Variants in MAP3K3 observed in about 807,000 individuals in gnomAD.
MAP3K3 encodes mitogen-activated protein kinase kinase kinase 3.
MAP3K3 carries 12 observed loss-of-function variants against 80.9 expected under a neutral mutation model. The observed-to-expected ratio is 0.15, with a 90% CI of 0.10 to 0.24. MAP3K3 has a LOEUF of 0.24. Among genes scored for constraint, MAP3K3 ranks in the 10% least tolerant of loss-of-function variants. MAP3K3 has a pLI of 1.00. For missense variants in MAP3K3, 596 were observed against 834.7 expected, an observed-to-expected ratio of 0.71 and a Z score of 3.52; for synonymous variants, 272 against 307.1, an observed-to-expected ratio of 0.89 and a Z score of 1.19.
At position 63,689,940 on chromosome 17, in the gene MAP3K3, T is replaced by G; in HGVS notation, c.1063+205T>G. 1 of 597,426 alleles carries G rather than the reference T, an allele frequency of 1.7e-6. No individual in the cohort carries two copies. The highest frequency in any genetic ancestry group is 2.2e-5 in the South Asian group (1 of 44,740). The allele number at this position is 597,426 out of a possible 1,614,324, so 37.0% of individuals were successfully genotyped here. On this transcript the variant is annotated intron_variant, in intron 11 of 15. Transcript: ENST00000361733. This position sits in a 1 kb window ranked among gnomAD's most constrained non-coding sequence, Gnocchi z 4.3. ...TCTTCTCCTCTCTGATCTTTAGTTT[T>G]TCCATGTTTAAACTAGGGAAGAGCA...
At chr17:63,656,626 A>G (rs2034775020) in intron 4 of MAP3K3, among the ~76,000 whole-genome samples, 1 of 152,140 alleles carries the variant, frequency 6.6e-6, no homozygotes, top group East Asian at 1.9e-4. Flanking sequence ...AAGAATAAGA[A>G]TAAGATCTGA....
In MAP3K3 at chr17:63,693,875, G is replaced by A. The variant is rs573570273; in HGVS notation, c.*98G>A. On this transcript the variant is annotated 3_prime_UTR_variant, in exon 16 of 16. Transcript: ENST00000361733. This position sits in a 1 kb window ranked among gnomAD's most constrained non-coding sequence, Gnocchi z 4.2. ...TGCTGCTTCTCCCAGGCAAGGCTGTGGACCATGGAGTGGCAGCCCAGCCAG... is the reference window on the plus strand; with the variant it reads ...TGCTGCTTCTCCCAGGCAAGGCTGTAGACCATGGAGTGGCAGCCCAGCCAG... The A allele has an allele frequency of 5.2e-5, 57 of 1,091,606 alleles. No individual in the cohort carries two copies. In the African/African-American group the frequency reaches 7.0e-4, roughly 13 times the overall value. The allele number at this position is 1,091,606 out of a possible 1,614,324, so 67.6% of individuals were successfully genotyped here.
At chr17:63,663,841 A>G (rs1010833472) in intron 5 of MAP3K3, among the ~76,000 whole-genome samples, 6 of 152,058 alleles carry the variant, frequency 3.9e-5, no homozygotes, top group Non-Finnish European at 7.4e-5. Context: ...GCGATGAGCT[A>G]TGATTGCACC....
intron 2 of MAP3K3, among the ~76,000 whole-genome samples, chr17:63,642,529 A>G (rs554457415): frequency 6.6e-5 from 10 of 152,076 alleles, no homozygotes; most frequent in African/African-American, 2.2e-4. Flanking sequence ...ATGGTGGTGC[A>G]TGCCTGTAAT....
At chr17:63,652,456 C>G in intron 3 of MAP3K3, 101 bp from the exon 4 acceptor site, 1 of 766,508 alleles carries the variant, frequency 1.3e-6, no homozygotes, top group Non-Finnish European at 2.2e-6. Context: ...AAAACAGAAT[C>G]CTATGTTGAG....
rs1488575287 is a variant in MAP3K3, at chr17:63,691,079, G to A, written c.1213-23G>A. The A allele has an allele frequency of 6.2e-7, 1 of 1,613,390 alleles. No homozygotes were observed. The highest frequency in any genetic ancestry group is 8.5e-7 in the Non-Finnish European group (1 of 1,179,848). On this transcript the variant is annotated intron_variant, in intron 12 of 15. Coordinates refer to ENST00000361733, the MANE Select transcript of MAP3K3 (RefSeq NM_002401.5). The surrounding 1 kb of genome is among the most constrained non-coding windows in gnomAD (Gnocchi z 4.8). Reference sequence around the variant, plus strand: ...CAGAACTAGGGCCCTGAGAGCTGAGGCGACCACTGACCCCTCCCCTAGGAG... The same window carrying A: ...CAGAACTAGGGCCCTGAGAGCTGAGACGACCACTGACCCCTCCCCTAGGAG...
chr17:63,688,723 G>A, intron 9 of MAP3K3, 66 bp from the exon 10 acceptor site: 1 of 1,412,330 alleles, frequency 7.1e-7, no homozygotes, highest in Non-Finnish European at 1.0e-6. Flanking sequence ...GTGCCTTGGG[G>A]ACTTGGGGGC....
At chr17:63,684,359 C>T (rs2035403946) in intron 7 of MAP3K3, among the ~76,000 whole-genome samples, 1 of 152,124 alleles carries the variant, frequency 6.6e-6, no homozygotes, top group South Asian at 2.1e-4. Context: ...CTAAATTTGC[C>T]AAATATGCAT....
At position 63,692,276 on chromosome 17, in the gene MAP3K3, A is replaced by G; in HGVS notation, c.1509A>G (p.Val503=). Reference sequence around the variant, plus strand: ...TCCTCCGAGACTCTGCTGGGAATGTAAAGCTGGGGGACTTTGGGGCCAGCA... The same window carrying G: ...TCCTCCGAGACTCTGCTGGGAATGTGAAGCTGGGGGACTTTGGGGCCAGCA... ...ANILRDSAGN[V]KLGDFGASKR... The change falls in exon 15 of 16, where the codon GTA becomes GTG. Residue 503 remains valine (V), a synonymous_variant. Transcript: ENST00000361733. The surrounding 1 kb of genome is among the most constrained non-coding windows in gnomAD (Gnocchi z 4.5). 6.2e-7 allele frequency: 1 copy of G among 1,613,920 alleles called. No individual in the cohort carries two copies.
At chr17:63,665,768 G>T (rs768027016) in intron 5 of MAP3K3, among the ~76,000 whole-genome samples, 1 of 152,136 alleles carries the variant, frequency 6.6e-6, no homozygotes, top group Non-Finnish European at 1.5e-5. Flanking sequence ...CTGACTTCCC[G>T]TTAGAGCAAG....
chr17:63,670,605 A>AGAAAGAAAG (rs200856290), intron 6 of MAP3K3, among the ~76,000 whole-genome samples: 4 of 133,822 alleles, frequency 3.0e-5, no homozygotes, highest in Non-Finnish European at 6.4e-5. Flanking sequence ...AAAAAAAAAA[A>AGAAAGAAAG]AAAGAAAGAA....
chr17:63,656,497 C>A (rs570557001), intron 4 of MAP3K3, among the ~76,000 whole-genome samples: 4 of 150,088 alleles, frequency 2.7e-5, no homozygotes, highest in Admixed American at 1.3e-4. Context: ...CCCGGCTACT[C>A]TGGAGGCTAA....
chr17:63,661,207 C>T (rs1161406312), intron 5 of MAP3K3, among the ~76,000 whole-genome samples: 3 of 152,110 alleles, frequency 2.0e-5, no homozygotes, highest in African/African-American at 4.8e-5. Flanking sequence ...CCACCATGCC[C>T]GGCTAAGTTT....
intron 3 of MAP3K3, among the ~76,000 whole-genome samples, chr17:63,647,266 G>C (rs373265314): frequency 2.2e-4 from 33 of 152,310 alleles, no homozygotes; most frequent in African/African-American, 7.9e-4. Context: ...AGGGAGGAAG[G>C]TCTGAGCTCT....
chr17:63,632,648 G>A, intron 1 of MAP3K3, 33 bp from the exon 2 acceptor site: 2 of 1,612,344 alleles, frequency 1.2e-6, no homozygotes, highest in South Asian at 2.2e-5. Context: ...CTGTATTTAA[G>A]TGTCTTAGTC....
At chr17:63,635,159 T>G (rs1027947927) in intron 2 of MAP3K3, among the ~76,000 whole-genome samples, 3 of 152,210 alleles carry the variant, frequency 2.0e-5, no homozygotes, top group Admixed American at 1.3e-4. Flanking sequence ...GGCTAGTGGC[T>G]ATTGTATTGG....
intron 6 of MAP3K3, among the ~76,000 whole-genome samples, chr17:63,675,411 C>G (rs962370670): frequency 1.3e-5 from 2 of 152,214 alleles, no homozygotes; most frequent in African/African-American, 4.8e-5. Flanking sequence ...GAACTCCCTG[C>G]GGAGACAACT....
chr17:63,674,641 A>G (rs911453893), intron 6 of MAP3K3, among the ~76,000 whole-genome samples: 1 of 152,048 alleles, frequency 6.6e-6, no homozygotes, highest in Admixed American at 6.5e-5. Flanking sequence ...ATGAGCCACC[A>G]TGCCCAGCCC....
intron 6 of MAP3K3, among the ~76,000 whole-genome samples, chr17:63,676,414 T>A (rs868063009): frequency 6.6e-6 from 1 of 152,228 alleles, no homozygotes; most frequent in African/African-American, 2.4e-5. Flanking sequence ...AGACACTCCA[T>A]GTAACAGATT....
Sources: allele counts gnomAD v4.1 joint callset (sites outside exome capture counted in the v4.1 genomes callset), GRCh38; gene constraint gnomAD v4.1.1; non-coding constraint Gnocchi (gnomAD v3.1); transcripts MANE v1.5; gene names NCBI Gene and HGNC (gene_info 2026-07-23, HGNC 2026-07-21).